Variants in LMO7 observed in about 807,000 individuals in gnomAD.
LMO7 encodes the protein LIM domain 7, also known as LIM domain only protein 7.
In LMO7, 120 loss-of-function variants were observed where a neutral mutation model predicts 206.5. The ratio of observed to expected loss-of-function variants is 0.58; its 90% CI spans 0.50 to 0.68. The LOEUF (loss-of-function observed/expected upper bound fraction) is 0.68. Among genes scored for constraint, LMO7 ranks in the 30% least tolerant of loss-of-function variants. The pLI, the probability that LMO7 is intolerant of heterozygous loss-of-function variation, is 0.00. For missense variants in LMO7, 1,959 were observed against 1,957.9 expected, an observed-to-expected ratio of 1.00 and a Z score of -0.01; for synonymous variants, 706 against 681.5, an observed-to-expected ratio of 1.04 and a Z score of -0.56.
intron 4 of LMO7, among the ~76,000 whole-genome samples, chr13:75,769,261 A>C (rs895921097): frequency 3.3e-5 from 5 of 151,996 alleles, no homozygotes; most frequent in African/African-American, 7.2e-5. Context: ...GGTTTCTGTC[A>C]TGCTGAGCAG....
At chr13:75,652,528 G>C (rs2037680886) in intron 1 of LMO7, among the ~76,000 whole-genome samples, 1 of 151,816 alleles carries the variant, frequency 6.6e-6, no homozygotes, top group African/African-American at 2.4e-5. Context: ...GCTCTTGTGG[G>C]TTATTGACTT....
At chr13:75,670,774 A>G (rs1162615802) in intron 1 of LMO7, among the ~76,000 whole-genome samples, 1 of 152,116 alleles carries the variant, frequency 6.6e-6, no homozygotes, top group East Asian at 1.9e-4. Context: ...TACTTACACT[A>G]TACTAAATTT....
At chr13:75,729,886 CAT>C (rs1263231453) in intron 3 of LMO7, among the ~76,000 whole-genome samples, 2 of 151,168 alleles carry the variant, frequency 1.3e-5, no homozygotes, top group African/African-American at 4.9e-5. Flanking sequence ...TTGAGATAAT[CAT>C]GTGGTTTTTG....
intron 4 of LMO7, among the ~76,000 whole-genome samples, chr13:75,787,675 C>T (rs2052649062): frequency 6.6e-6 from 1 of 152,102 alleles, no homozygotes; most frequent in Non-Finnish European, 1.5e-5. Flanking sequence ...TCAAGTGTCA[C>T]TTTAATAGTT....
exon 1 of LMO7, chr13:75,621,734 G>C (rs1445126713): frequency 6.2e-7 from 1 of 1,601,246 alleles, no homozygotes; most frequent in Non-Finnish European, 8.5e-7. Flanking sequence ...ACGTTTTACA[G>C]TTGGATGTCC....
At chr13:75,789,820 G>A (rs1398956274) in intron 4 of LMO7, among the ~76,000 whole-genome samples, 1 of 152,140 alleles carries the variant, frequency 6.6e-6, no homozygotes, top group Non-Finnish European at 1.5e-5. Context: ...TAATTGGCTG[G>A]TGCACTGCGG....
At chr13:75,698,733 A>G (rs2042070133) in intron 1 of LMO7, among the ~76,000 whole-genome samples, 1 of 151,814 alleles carries the variant, frequency 6.6e-6, no homozygotes. Context: ...ACTATCTTTT[A>G]AAAAGTTACC....
chr13:75,841,540 A>G, intron 23 of LMO7, 88 bp from the exon 24 acceptor site: 1 of 931,868 alleles, frequency 1.1e-6, no homozygotes. Flanking sequence ...TATAGTTAGT[A>G]GCATCTAAAA....
chr13:75,752,718 A>G (rs2047371576), intron 3 of LMO7, among the ~76,000 whole-genome samples: 2 of 152,234 alleles, frequency 1.3e-5, no homozygotes, highest in African/African-American at 2.4e-5. Flanking sequence ...GTTTCGCTTA[A>G]GATAATGGCC....
intron 1 of LMO7, among the ~76,000 whole-genome samples, chr13:75,669,886 G>A (rs2039400600): frequency 2.0e-5 from 3 of 152,186 alleles, no homozygotes; most frequent in South Asian, 2.1e-4. Flanking sequence ...CAGGATATGG[G>A]ATAGGGACAT....
At chr13:75,761,144 C>A in intron 4 of LMO7, 106 bp downstream of exon 4, 1 of 705,328 alleles carries the variant, frequency 1.4e-6, no homozygotes. Flanking sequence ...AAAAATTCTT[C>A]TGTTCTCTCT....
At chr13:75,802,898 T>G (rs566262390) in intron 7 of LMO7, among the ~76,000 whole-genome samples, 32 of 152,186 alleles carry the variant, frequency 2.1e-4, no homozygotes, top group Admixed American at 9.8e-4. Flanking sequence ...TTCTCTAGTT[T>G]TACGTGAAAA....
At chr13:75,732,703 G>C (rs574679212) in intron 3 of LMO7, among the ~76,000 whole-genome samples, 1 of 152,270 alleles carries the variant, frequency 6.6e-6, no homozygotes, top group South Asian at 2.1e-4. Context: ...GAGGCGCTCT[G>C]CTTTTTAGAG....
chr13:75,825,876 T>G (rs777513259), intron 15 of LMO7, among the ~76,000 whole-genome samples: 7 of 152,216 alleles, frequency 4.6e-5, no homozygotes, highest in Non-Finnish European at 7.3e-5. Flanking sequence ...AAGAGTAGCA[T>G]GTGGCTGATC....
chr13:75,713,057 T>G lies in LMO7; in HGVS notation c.70-125T>G, dbSNP rs554993207. 3 of 609,962 alleles carry G rather than the reference T, an allele frequency of 4.9e-6. No individual in the cohort carries two copies. The Admixed American group carries it at 9.0e-5, about 18-fold the overall frequency. The allele number at this position is 609,962 out of a possible 1,614,324, so 37.8% of individuals were successfully genotyped here. A position where few individuals can be genotyped will look rare whatever the true frequency, so the allele number is the denominator to read the frequency against. On this transcript the variant is annotated intron_variant, in intron 1 of 30. Transcript: ENST00000377534. ...CCTATAAGGAACAGATTATAGGATA[T>G]AACAGTCTATATATGCAAATCCTTC...
intron 15 of LMO7, 119 bp from the exon 16 acceptor site, chr13:75,832,932 G>A (rs2058795929): frequency 1.8e-6 from 1 of 568,718 alleles, no homozygotes; most frequent in Admixed American, 3.0e-5. Context: ...GAAGCTTCTA[G>A]TTTATCATGA....
At chr13:75,674,633 A>G (rs1468042896) in intron 1 of LMO7, among the ~76,000 whole-genome samples, 1 of 152,246 alleles carries the variant, frequency 6.6e-6, no homozygotes, top group Admixed American at 6.5e-5. Flanking sequence ...AAAATGGAAG[A>G]ATGCAACTAA....
At chr13:75,624,593 A>G (rs1338073601) in intron 2 of LMO7, among the ~76,000 whole-genome samples, 1 of 152,220 alleles carries the variant, frequency 6.6e-6, no homozygotes, top group East Asian at 1.9e-4. Flanking sequence ...TATAAAAGAA[A>G]GAGGTTTAAT....
intron 27 of LMO7, among the ~76,000 whole-genome samples, chr13:75,850,606 C>T (rs2060417251): frequency 6.6e-6 from 1 of 152,116 alleles, no homozygotes; most frequent in Non-Finnish European, 1.5e-5. Flanking sequence ...TAATATGCCA[C>T]CTCCAAATTT....
Sources: allele counts gnomAD v4.1 joint callset (sites outside exome capture counted in the v4.1 genomes callset), GRCh38; gene constraint gnomAD v4.1.1; transcripts MANE v1.5; gene names NCBI Gene and HGNC (gene_info 2026-07-23, HGNC 2026-07-21).